The following TADA2A variants were observed in gnomAD, a reference collection of about 807,000 sequenced individuals.
TADA2A encodes transcriptional adaptor 2A.
Under a neutral mutation model 67.4 loss-of-function variants are expected in TADA2A, and 38 were observed. The ratio of observed to expected loss-of-function variants is 0.56; its 90% CI spans 0.44 to 0.74. TADA2A has a LOEUF of 0.74. Among genes scored for constraint, TADA2A ranks in the 30% least tolerant of loss-of-function variants. TADA2A has a pLI of 0.00. For synonymous variants in TADA2A, 192 were observed against 181.6 expected (o/e 1.06, Z -0.46); for missense variants, 454 against 547.0 (o/e 0.83, Z 1.70).
At chr17:37,421,223 G>T (rs72828251) in intron 2 of TADA2A, among the ~76,000 whole-genome samples, 98,044 of 144,050 alleles carry the variant, frequency 0.68, 37,312 homozygotes, top group East Asian at 0.96. Flanking sequence ...TCTACAAAAA[G>T]TAAAAATTTA....
chr17:37,451,845 A>ATGG (rs1335234747), intron 8 of TADA2A, among the ~76,000 whole-genome samples: 15 of 151,896 alleles, frequency 9.9e-5, no homozygotes, highest in African/African-American at 1.9e-4. Flanking sequence ...TTAGCCAGAC[A>ATGG]TGGTGGTGGG....
intron 14 of TADA2A, 55 bp downstream of exon 14, chr17:37,471,192 G>T: frequency 6.4e-7 from 1 of 1,570,366 alleles, no homozygotes; most frequent in Non-Finnish European, 8.7e-7. Flanking sequence ...CATCGTAGGG[G>T]TTATAGTGAC....
chr17:37,413,176 C>G (rs998365799), intron 2 of TADA2A, among the ~76,000 whole-genome samples: 6 of 152,182 alleles, frequency 3.9e-5, no homozygotes, highest in Non-Finnish European at 8.8e-5. Context: ...ATCCACCAGC[C>G]TTGGCCTCCC....
At chr17:37,440,109 G>A (rs1291107278) in intron 5 of TADA2A, among the ~76,000 whole-genome samples, 2 of 151,568 alleles carry the variant, frequency 1.3e-5, no homozygotes, top group African/African-American at 4.8e-5. Context: ...CACCACGCCT[G>A]GCTAATTTTG....
chr17:37,472,481 A>G (rs1462791698), intron 14 of TADA2A, among the ~76,000 whole-genome samples: 1 of 152,134 alleles, frequency 6.6e-6, no homozygotes, highest in African/African-American at 2.4e-5. Flanking sequence ...AGTGAAATCA[A>G]AGTTTTATTT....
intron 12 of TADA2A, among the ~76,000 whole-genome samples, chr17:37,468,736 A>C (rs1178233874): frequency 1.1e-5 from 1 of 92,572 alleles, no homozygotes; most frequent in Non-Finnish European, 2.6e-5. Context: ...TACTGCATAT[A>C]AGCATAGCAC....
chr17:37,416,577 C>A (rs1352633661), intron 2 of TADA2A, among the ~76,000 whole-genome samples: 2 of 151,960 alleles, frequency 1.3e-5, no homozygotes, highest in East Asian at 3.9e-4. Flanking sequence ...GGTTAAAAAG[C>A]CTCACTCGGC....
At chr17:37,452,559 T>G (rs772719717) in intron 8 of TADA2A, among the ~76,000 whole-genome samples, 11 of 152,204 alleles carry the variant, frequency 7.2e-5, no homozygotes, top group Non-Finnish European at 1.5e-4. Context: ...TTATACTGTA[T>G]GTCAGAGGCA....
intron 8 of TADA2A, among the ~76,000 whole-genome samples, chr17:37,455,636 C>T (rs2148008814): frequency 6.6e-6 from 1 of 152,294 alleles, no homozygotes; most frequent in South Asian, 2.1e-4. Flanking sequence ...CTGCCTCGGC[C>T]TCCCAAAGTG....
intron 4 of TADA2A, among the ~76,000 whole-genome samples, chr17:37,437,520 G>A (rs2052767502): frequency 6.6e-6 from 1 of 152,122 alleles, no homozygotes; most frequent in Admixed American, 6.6e-5. Flanking sequence ...CTGAGTAGCT[G>A]GGACTACAGG....
intron 2 of TADA2A, among the ~76,000 whole-genome samples, chr17:37,411,878 T>C (rs1349481347): frequency 6.6e-6 from 1 of 152,008 alleles, no homozygotes; most frequent in Non-Finnish European, 1.5e-5. Context: ...TGATTACCCA[T>C]TGAACACATG....
In TADA2A at chr17:37,450,704, A is replaced by C. The variant is rs1471197930; in HGVS notation, c.604+5936A>C. ...TCTCTGGTTCTCTGTTTGCTAGCTT[A>C]TACTGCAGCTTCCAGCTGCTTTAAG... On this transcript the variant is annotated intron_variant, in intron 8 of 15. Coordinates refer to ENST00000615182, the MANE Select transcript of TADA2A (RefSeq NM_001166105.3). 3 of 152,244 alleles carry C rather than the reference A, an allele frequency of 2.0e-5. No individual in the cohort carries two copies. In the East Asian group the frequency reaches 5.8e-4, roughly 29 times the overall value. The allele number at this position is 152,244 out of a possible 1,614,324, so 9.4% of individuals were successfully genotyped here. A position where few individuals can be genotyped will look rare whatever the true frequency, so the allele number is the denominator to read the frequency against.
At chr17:37,470,176 G>T (rs1237477636) in intron 12 of TADA2A, among the ~76,000 whole-genome samples, 1 of 151,720 alleles carries the variant, frequency 6.6e-6, no homozygotes, top group Non-Finnish European at 1.5e-5. Context: ...ATTTCTTACA[G>T]ATAGAAAAGG....
intron 12 of TADA2A, among the ~76,000 whole-genome samples, chr17:37,468,901 TC>T (rs2053725237): frequency 6.6e-6 from 1 of 151,912 alleles, no homozygotes; most frequent in Non-Finnish European, 1.5e-5. Context: ...ATAGTTGGCT[TC>T]TTTTTTTTTT....
At chr17:37,474,860 T>G (rs1175282787) in intron 15 of TADA2A, among the ~76,000 whole-genome samples, 3 of 152,190 alleles carry the variant, frequency 2.0e-5, no homozygotes, top group African/African-American at 7.2e-5. Context: ...AAAGCACATG[T>G]GGTATGTAGA....
intron 12 of TADA2A, among the ~76,000 whole-genome samples, chr17:37,468,613 C>T (rs60271499): frequency 0.059 from 8,926 of 151,922 alleles, 833 homozygotes; most frequent in African/African-American, 0.2. Context: ...GCAGTCCTCC[C>T]GCCTAGGCCT....
intron 2 of TADA2A, among the ~76,000 whole-genome samples, chr17:37,414,622 G>A (rs1161897619): frequency 2.6e-5 from 4 of 152,204 alleles, no homozygotes; most frequent in Admixed American, 2.0e-4. Context: ...GCACATTTAC[G>A]TACACATATA....
At chr17:37,475,565 C>T (rs1222068078) in intron 15 of TADA2A, among the ~76,000 whole-genome samples, 1 of 150,806 alleles carries the variant, frequency 6.6e-6, no homozygotes, top group Non-Finnish European at 1.5e-5. Context: ...CTCTGCCTCC[C>T]GGGTTCAAAC....
rs2053401649 is a variant in TADA2A at position 37,456,681 on chromosome 17, TG to T, written c.605-1842del. Among the ~76,000 whole-genome samples the T allele has an allele frequency of 1.3e-5, 2 of 152,196 alleles. 1 individual carries two copies. The highest frequency in any genetic ancestry group is 4.1e-4 in the South Asian group (2 of 4,834). On this transcript the variant is annotated intron_variant, in intron 8 of 15. Coordinates refer to ENST00000615182, the MANE Select transcript of TADA2A (RefSeq NM_001166105.3). ...TATAAGTTTGCAACTGAAGGGCATG[TG>T]AGTAAATTATATGCAGTAGGAACTG...
Sources: allele counts gnomAD v4.1 joint callset (sites outside exome capture counted in the v4.1 genomes callset), GRCh38; gene constraint gnomAD v4.1.1; transcripts MANE v1.5; gene names NCBI Gene and HGNC (gene_info 2026-07-23, HGNC 2026-07-21).